Variants in TNNT1 observed in about 807,000 individuals in gnomAD.
TNNT1 encodes the protein troponin T, slow skeletal muscle.
Under a neutral mutation model 50.6 loss-of-function variants are expected in TNNT1, and 53 were observed. That is an observed-to-expected ratio of 1.05 (90% CI 0.84 to 1.32). The LOEUF (loss-of-function observed/expected upper bound fraction) is 1.32, where lower values mean the gene tolerates loss of function less well. Ranked by LOEUF, TNNT1 falls within the 40% of genes most tolerant of loss-of-function variation. The pLI is 0.00. For synonymous variants in TNNT1, 142 were observed against 138.0 expected, an observed-to-expected ratio of 1.03 and a Z score of -0.20; for missense variants, 348 against 381.7, an observed-to-expected ratio of 0.91 and a Z score of 0.74.
intron 1 of TNNT1, chr19:55,148,065 CTT>C: frequency 6.6e-6 from 1 of 152,462 alleles, no homozygotes; most frequent in African/African-American, 2.4e-5. Flanking sequence ...CAGCTGTCCT[CTT>C]TTGTCTTATG....
chr19:55,133,006 C>A, intron 13 of TNNT1, 46 bp from the exon 14 acceptor site: 1 of 1,528,480 alleles, frequency 6.5e-7, no homozygotes, highest in Admixed American at 1.9e-5. Flanking sequence ...CCCCTCCAGT[C>A]TCTGAAATGG....
intron 3 of TNNT1, 38 bp from the exon 4 acceptor site, chr19:55,146,745 T>TG (rs1045297463): frequency 6.8e-7 from 1 of 1,466,458 alleles, no homozygotes. Context: ...CGTTAGGAGC[T>TG]GGGGGAGGGA....
intron 11 of TNNT1, among the ~76,000 whole-genome samples, chr19:55,136,518 G>A (rs1599874982): frequency 6.6e-6 from 1 of 152,222 alleles, no homozygotes; most frequent in South Asian, 2.1e-4. Flanking sequence ...TCACAAAGTA[G>A]CCGGCAAAGC....
At chr19:55,144,027 G>A (rs937428530) in intron 6 of TNNT1, among the ~76,000 whole-genome samples, 1 of 150,294 alleles carries the variant, frequency 6.7e-6, no homozygotes, top group Non-Finnish European at 1.5e-5. Flanking sequence ...CTGTCCCTTT[G>A]CCTTGGAATC....
At chr19:55,137,025 C>A in intron 11 of TNNT1, 78 bp downstream of exon 11, 4 of 930,382 alleles carry the variant, frequency 4.3e-6, no homozygotes, top group Non-Finnish European at 3.4e-6. Flanking sequence ...ATCTGCCCAC[C>A]CAGATCTGGG....
At chr19:55,139,650 T>C (rs533270964) in intron 9 of TNNT1, among the ~76,000 whole-genome samples, 7 of 152,222 alleles carry the variant, frequency 4.6e-5, no homozygotes, top group African/African-American at 1.4e-4. Flanking sequence ...CATCTCAAGA[T>C]CTTTAATTTA....
chr19:55,147,682 T>TCTGAGGGGGGAGGGGCTGGAGGC (rs1568851098), intron 1 of TNNT1, among the ~76,000 whole-genome samples: 2 of 22,144 alleles, frequency 9.0e-5, no homozygotes, highest in Non-Finnish European at 1.8e-4. Flanking sequence ...GGGGCTGGGG[T>TCTGAGGGGGGAGGGGCTGGAGGC]CTGGACTCCT....
chr19:55,146,851 G>C lies in TNNT1; in HGVS notation c.47-144C>G, dbSNP rs552757237. 7.4e-6 allele frequency: 9 copies of C among 1,215,184 alleles called. No individual in the cohort carries two copies. The South Asian group carries it at 1.3e-4, about 17-fold the overall frequency. The allele number at this position is 1,215,184 out of a possible 1,614,324, so 75.3% of individuals were successfully genotyped here. ...GGGCACGTTCCCCCTGGCGGTGCAG[G>C]GATGGCGCGAGGAGACGCTCCAGAC... On this transcript the variant is annotated intron_variant, in intron 3 of 13. Transcript: ENST00000588981.
chr19:55,140,323 G>T (rs2085427123), intron 9 of TNNT1, among the ~76,000 whole-genome samples: 1 of 151,894 alleles, frequency 6.6e-6, no homozygotes, highest in African/African-American at 2.4e-5. Context: ...AAAAAAACTA[G>T]TGGGGCAGAG....
chr19:55,136,376 C>T (rs953024924), intron 11 of TNNT1, among the ~76,000 whole-genome samples: 5 of 152,144 alleles, frequency 3.3e-5, no homozygotes, highest in South Asian at 2.1e-4. Context: ...CATGAGCCAC[C>T]GGGCCCAGCC....
intron 5 of TNNT1, among the ~76,000 whole-genome samples, 180 bp from the exon 6 acceptor site, chr19:55,145,745 G>C (rs1307378971): frequency 6.6e-6 from 1 of 151,700 alleles, no homozygotes; most frequent in African/African-American, 2.4e-5. Context: ...AGGAAAGTCA[G>C]GGTGGCTGTA....
intron 7 of TNNT1, 111 bp from the exon 8 acceptor site, chr19:55,141,413 A>G: frequency 1.2e-6 from 1 of 807,644 alleles, no homozygotes; most frequent in South Asian, 1.4e-5. Context: ...GACGGTATCC[A>G]GCAGGTGGCA....
intron 11 of TNNT1, chr19:55,135,422 T>C: frequency 4.1e-6 from 1 of 243,672 alleles, no homozygotes. Flanking sequence ...TTCTTTTTTT[T>C]TTGATAGGGT....
At position 55,132,827 on chromosome 19, in the gene TNNT1, C is replaced by T. The variant is rs2085271570; in HGVS notation, c.*88G>A. 2.4e-6 allele frequency: 3 copies of T among 1,263,394 alleles called. No individual in the cohort carries two copies. Among genetic ancestry groups the T allele is most frequent in the South Asian group, 1.3e-5 (1 of 78,242 alleles). 78.3% of individuals were successfully genotyped at this position (1,263,394 alleles called of 1,614,324 possible). ...ACCATAATAACATCAGAGAACCCAG[C>T]GGGTGTCTGAGGGGAGCGTTTATTT... On this transcript the variant is annotated 3_prime_UTR_variant, in exon 14 of 14. Coordinates refer to ENST00000588981, the MANE Select transcript of TNNT1 (RefSeq NM_003283.6).
chr19:55,148,778 A>G (rs980165655), intron 1 of TNNT1, among the ~76,000 whole-genome samples: 1 of 149,890 alleles, frequency 6.7e-6, no homozygotes, highest in Non-Finnish European at 1.5e-5. Context: ...TTCTTCTGAG[A>G]CCCCCCCAAT....
intron 6 of TNNT1, among the ~76,000 whole-genome samples, chr19:55,143,172 A>G (rs2085490086): frequency 6.6e-6 from 1 of 151,372 alleles, no homozygotes; most frequent in Admixed American, 6.6e-5. Flanking sequence ...CTATCTCAAA[A>G]AAAAAAAAAA....
intron 2 of TNNT1, 29 bp from the exon 3 acceptor site, chr19:55,147,050 G>A: frequency 1.2e-6 from 2 of 1,612,834 alleles, no homozygotes; most frequent in African/African-American, 2.7e-5. Context: ...AGAGAGGAGG[G>A]AGGGGAGAGT....
chr19:55,146,603 T>TGC, intron 4 of TNNT1, 78 bp downstream of exon 4: 12 of 1,118,372 alleles, frequency 1.1e-5, no homozygotes, highest in South Asian at 1.6e-5. Context: ...GGGAGCCCCA[T>TGC]CCCGCCCCCT....
intron 9 of TNNT1, among the ~76,000 whole-genome samples, chr19:55,139,974 A>G (rs1241891121): frequency 6.7e-6 from 1 of 149,606 alleles, no homozygotes; most frequent in South Asian, 2.1e-4. Flanking sequence ...AAATACAAAA[A>G]TTAGCCGAGC....
Sources: allele counts gnomAD v4.1 joint callset (sites outside exome capture counted in the v4.1 genomes callset), GRCh38; gene constraint gnomAD v4.1.1; transcripts MANE v1.5; gene names NCBI Gene and HGNC (gene_info 2026-07-23, HGNC 2026-07-21).